The following REPS2 variants were observed in gnomAD, a reference collection of about 807,000 sequenced individuals.
REPS2 encodes RALBP1 associated Eps domain containing 2, also known as ralBP1-associated Eps domain-containing protein 2.
In REPS2, 23 loss-of-function variants were observed where a neutral mutation model predicts 53.6. That is an observed-to-expected ratio of 0.43 (90% CI 0.31 to 0.61). The LOEUF is 0.61. Among genes scored for constraint, REPS2 ranks in the 20% least tolerant of loss-of-function variants. The pLI is 0.11. For synonymous variants in REPS2, 238 were observed against 218.6 expected, an observed-to-expected ratio of 1.09 and a Z score of -0.78; for missense variants, 446 against 534.9, an observed-to-expected ratio of 0.83 and a Z score of 1.64.
At chrX:17,142,922 G>T (rs758728658) in intron 17 of REPS2, among the ~76,000 whole-genome samples, 1 of 112,167 alleles carries the variant, frequency 8.9e-6, no homozygotes, top group South Asian at 3.7e-4. Context: ...CCCAAACCTG[G>T]AAACAACACA....
intron 11 of REPS2, among the ~76,000 whole-genome samples, chrX:17,073,302 GA>G (rs916584426): frequency 2.7e-5 from 3 of 112,089 alleles, no homozygotes; most frequent in African/African-American, 9.7e-5. Context: ...ATTTTATGAT[GA>G]AAAATTTGCA....
intron 4 of REPS2, among the ~76,000 whole-genome samples, chrX:17,029,023 T>C (rs1243453883): frequency 8.9e-6 from 1 of 112,105 alleles, no homozygotes; most frequent in Non-Finnish European, 1.9e-5. Flanking sequence ...AAATATAAAA[T>C]ATATTTATTC....
rs1053128905 is a variant in REPS2, at chrX:17,144,463, A to T, written c.1915-2950A>T. Among the ~76,000 whole-genome samples the T allele has an allele frequency of 3.6e-5, 4 of 112,659 alleles. No homozygotes were observed. In the East Asian group the frequency reaches 8.4e-4, roughly 24 times the overall value. On this transcript the variant is annotated intron_variant, in intron 17 of 17. Transcript: ENST00000357277. ...TGTTGCCAATTTGAGTCTTTCAGGA[A>T]TTCTCCTACGTAAAATCAAGTTGGT... is the stretch of plus-strand genomic sequence containing the variant.
intron 1 of REPS2, among the ~76,000 whole-genome samples, chrX:16,951,553 ACACAC>A (rs2060511077): frequency 3.6e-5 from 1 of 27,476 alleles, no homozygotes; most frequent in Non-Finnish European, 1.0e-4. Context: ...ACACACACAC[ACACAC>A]ACCCCCGCTA....
chrX:17,133,991 T>C (rs1185684479), intron 15 of REPS2, 84 bp downstream of exon 15: 6 of 713,162 alleles, frequency 8.4e-6, no homozygotes, highest in Non-Finnish European at 1.3e-5. Context: ...TCTATTGTTT[T>C]AAGGTTTCTG....
At chrX:17,133,170 C>T (rs1182114770) in intron 14 of REPS2, among the ~76,000 whole-genome samples, 1 of 110,890 alleles carries the variant, frequency 9.0e-6, no homozygotes, top group East Asian at 2.8e-4. Flanking sequence ...GCAGGGGCCT[C>T]TTTAGGCTTG....
At chrX:17,094,186 T>C in intron 13 of REPS2, among the ~76,000 whole-genome samples, 1 of 112,320 alleles carries the variant, frequency 8.9e-6, no homozygotes, top group Admixed American at 9.4e-5. Flanking sequence ...AAAAATGTAT[T>C]TAATTATATC....
rs1282744428 is a variant in REPS2 at position 17,147,955 on chromosome X, G to C, written c.*474G>C. The C allele has an allele frequency of 8.9e-6, 1 of 112,743 alleles. No homozygotes were observed. The highest frequency in any genetic ancestry group is 1.9e-5 in the Non-Finnish European group (1 of 53,621). The allele number at this position is 112,743 out of a possible 1,213,427, so 9.3% of individuals were successfully genotyped here. A position where few individuals can be genotyped will look rare whatever the true frequency, so the allele number is the denominator to read the frequency against. On this transcript the variant is annotated 3_prime_UTR_variant, in exon 18 of 18. Transcript: ENST00000357277. ...TTGGGATTCCAACTAGATAGTCATT[G>C]GTGTGACCATAATAAAAACAAAAGC...
chrX:17,131,553 G>C (rs1040007440), intron 14 of REPS2, among the ~76,000 whole-genome samples: 1 of 111,886 alleles, frequency 8.9e-6, no homozygotes, highest in Non-Finnish European at 1.9e-5. Context: ...TAGATGACTG[G>C]TGTCAGTATG....
intron 13 of REPS2, among the ~76,000 whole-genome samples, chrX:17,093,527 A>G (rs1373167499): frequency 1.8e-5 from 2 of 110,010 alleles, no homozygotes; most frequent in African/African-American, 3.3e-5. Context: ...GGCCATTGAT[A>G]GAACTCCAAG....
intron 5 of REPS2, among the ~76,000 whole-genome samples, chrX:17,035,280 G>A (rs2061752488): frequency 9.2e-6 from 1 of 108,523 alleles, no homozygotes; most frequent in Non-Finnish European, 1.9e-5. Context: ...TGGCATGAAA[G>A]ATATTTTATG....
At chrX:17,112,826 C>T (rs1238747847) in intron 14 of REPS2, among the ~76,000 whole-genome samples, 2 of 110,234 alleles carry the variant, frequency 1.8e-5, no homozygotes, top group Admixed American at 9.7e-5. Flanking sequence ...CAGTGGCTCA[C>T]GCCTGTAATC....
rs2062172608 is a variant in REPS2, at chrX:17,062,537, A to G, written c.1209+5A>G. On this transcript the variant is annotated splice_donor_5th_base_variant and intron_variant, in intron 9 of 17. Transcript: ENST00000357277. ...CGTGACTTGAATCGGATGGAGGTAA[A>G]AGATCTTCATATGCTAATAAATAAG... 1 of 1,155,891 alleles carries G rather than the reference A, an allele frequency of 8.7e-7. No individual in the cohort carries two copies. Among genetic ancestry groups the G allele is most frequent in the Non-Finnish European group, 1.2e-6 (1 of 849,008 alleles).
At chrX:17,161,186 C>G in the REPS2 span, among the ~76,000 whole-genome samples, 1 of 111,220 alleles carries the variant, frequency 9.0e-6, no homozygotes, top group Non-Finnish European at 1.9e-5. Context: ...AGAGGGCAGA[C>G]TGTGATAAGC....
At chrX:17,192,271 T>A in the REPS2 span, among the ~76,000 whole-genome samples, 2 of 112,419 alleles carry the variant, frequency 1.8e-5, no homozygotes, top group South Asian at 7.4e-4. Context: ...AGAGTGGAAA[T>A]CATCCATGCT....
chrX:17,073,629 G>T (rs1388307385), intron 11 of REPS2, among the ~76,000 whole-genome samples: 1 of 109,626 alleles, frequency 9.1e-6, no homozygotes, highest in African/African-American at 3.3e-5. Context: ...CCACTTACTT[G>T]TGAGAGCTTT....
chrX:16,959,101 T>C (rs1236247305), intron 1 of REPS2, among the ~76,000 whole-genome samples: 1 of 111,824 alleles, frequency 8.9e-6, no homozygotes, highest in Non-Finnish European at 1.9e-5. Flanking sequence ...TGTGTGTGTA[T>C]ACTTTTATTT....
rs952771123 is a variant in REPS2 at position 17,036,911 on chromosome X, C to T, written c.771+7288C>T. Among the ~76,000 whole-genome samples the T allele has an allele frequency of 1.0e-4, 11 of 108,906 alleles. No homozygotes were observed. The East Asian group carries it at 3.2e-3, about 32-fold the overall frequency. The allele number at this position is 108,906 out of a possible 115,157, so 94.6% of individuals were successfully genotyped here. On this transcript the variant is annotated intron_variant, in intron 5 of 17. Transcript: ENST00000357277. ...GATGCCTTTTCTAGGTATGTATGTG[C>T]CTTATTCTTGAGATCTTCTTTCACC...
intron 3 of REPS2, among the ~76,000 whole-genome samples, chrX:17,023,451 C>G (rs547591854): frequency 9.1e-6 from 1 of 109,858 alleles, no homozygotes; most frequent in Non-Finnish European, 1.9e-5. Flanking sequence ...AAGGAACACT[C>G]GAATGAAAAT....
Sources: gnomAD v4.1 joint callset for allele counts (sites outside exome capture counted in the v4.1 genomes callset) on GRCh38, gnomAD v4.1.1 for gene constraint, MANE v1.5 for transcripts, NCBI Gene and HGNC (gene_info 2026-07-23, HGNC 2026-07-21) for gene names.